EDNRB: variants seen among roughly 807,000 people sequenced by gnomAD.
EDNRB encodes the protein endothelin receptor type B.
In EDNRB, 18 loss-of-function variants were observed where a neutral mutation model predicts 46.4. That is an observed-to-expected ratio of 0.39 (90% CI 0.27 to 0.57). EDNRB has a LOEUF of 0.57. Ranked by LOEUF, EDNRB falls within the 20% of genes least tolerant of loss-of-function variation. EDNRB has a pLI of 0.61. For missense variants in EDNRB, 434 were observed against 537.5 expected (o/e 0.81, Z 1.90); for synonymous variants, 213 against 204.9 (o/e 1.04, Z -0.34).
chr13:77,963,421 G>C (rs1881485251), intron 1 of EDNRB, among the ~76,000 whole-genome samples: 1 of 151,996 alleles, frequency 6.6e-6, no homozygotes, highest in Admixed American at 6.6e-5. Flanking sequence ...CCAAAACAGA[G>C]ATATAGACCA....
intron 1 of EDNRB, among the ~76,000 whole-genome samples, chr13:77,948,267 T>C (rs1205572507): frequency 1.3e-5 from 2 of 152,202 alleles, no homozygotes; most frequent in Non-Finnish European, 2.9e-5. Context: ...ATTTTAAAGC[T>C]AGAGTTAATG....
intron 1 of EDNRB, among the ~76,000 whole-genome samples, chr13:77,947,029 T>C (rs998180877): frequency 4.6e-5 from 7 of 152,208 alleles, no homozygotes; most frequent in African/African-American, 7.2e-5. Flanking sequence ...CTTAGCCTAA[T>C]TAAATAAGCT....
intron 1 of EDNRB, among the ~76,000 whole-genome samples, chr13:77,915,168 G>A (rs1193189873): frequency 3.3e-5 from 5 of 151,826 alleles, no homozygotes; most frequent in Admixed American, 2.6e-4. Context: ...AAAAAACTAC[G>A]TTGCCACAAT....
chr13:77,955,845 G>A (rs370776053), intron 1 of EDNRB, among the ~76,000 whole-genome samples: 1 of 145,636 alleles, frequency 6.9e-6, no homozygotes, highest in African/African-American at 2.6e-5. Flanking sequence ...ATGTGTGTGT[G>A]TATCTATCTA....
chr13:77,908,057 A>G (rs887857443), intron 1 of EDNRB, among the ~76,000 whole-genome samples: 4 of 117,528 alleles, frequency 3.4e-5, no homozygotes, highest in African/African-American at 1.3e-4. Context: ...GAGAGAGAGC[A>G]TTAACCTTTA....
intron 1 of EDNRB, among the ~76,000 whole-genome samples, chr13:77,962,391 T>C (rs1379120514): frequency 6.6e-6 from 1 of 152,308 alleles, no homozygotes; most frequent in South Asian, 2.1e-4. Context: ...AATAAAATAC[T>C]GGCAAAGCGA....
intron 1 of EDNRB, among the ~76,000 whole-genome samples, chr13:77,946,612 G>A (rs1880926547): frequency 1.3e-5 from 2 of 152,080 alleles, no homozygotes; most frequent in South Asian, 4.1e-4. Context: ...TATGTTGGTG[G>A]CTCCATGTGA....
chr13:77,919,696 G>A (rs1213121399), upstream of EDNRB: 3 of 1,378,628 alleles, frequency 2.2e-6, no homozygotes, highest in Non-Finnish European at 2.0e-6. Flanking sequence ...GGCGATGCCT[G>A]GACAGCATCA....
intron 1 of EDNRB, among the ~76,000 whole-genome samples, chr13:77,968,415 T>C (rs1881639207): frequency 6.6e-6 from 1 of 152,170 alleles, no homozygotes; most frequent in Non-Finnish European, 1.5e-5. Context: ...GATTCTCTTT[T>C]CTAGGCCCTA....
In EDNRB at chr13:77,918,285, T is replaced by C. The variant is rs1280780830; in HGVS notation, c.289A>G (p.Lys97Glu). Residue 97 changes from lysine to glutamate, a missense_variant, in exon 1 of 7, where the codon AAG becomes GAG. By Grantham distance (56) the Lys-to-Glu change is moderately conservative. Transcript: ENST00000646607. This position sits in a 1 kb window ranked among gnomAD's most constrained non-coding sequence, Gnocchi z 4.5. ...GTGTTGATGTATTTGAAAGTCTCCT[T>C]GATCTCGATGGGTCCTTGGCACGGG... ...PPPCQGPIEI[K>E]ETFKYINTVV... is the part of the protein sequence containing the mutation. 1.2e-6 allele frequency: 2 copies of C among 1,614,080 alleles called. No homozygotes were observed. The highest frequency in any genetic ancestry group is 1.3e-5 in the African/African-American group (1 of 75,010).
At chr13:77,916,345 T>G (rs868437799) in intron 1 of EDNRB, among the ~76,000 whole-genome samples, 1 of 152,216 alleles carries the variant, frequency 6.6e-6, no homozygotes, top group Non-Finnish European at 1.5e-5. Flanking sequence ...ATGGGAAGAT[T>G]TAGTTTGTGG....
Position 77,897,341 on chromosome 13 carries a change from G to C in EDNRB, c.*859C>G. ...TTTTAATAATCCTGAAAAAATTGTA[G>C]ATAGTATTGTCTTCACAGGGTATGT... On this transcript the variant is annotated 3_prime_UTR_variant, in exon 7 of 7. Coordinates refer to ENST00000646607, the MANE Select transcript of EDNRB (RefSeq NM_001122659.3). The C allele has an allele frequency of 1.0e-6, 1 of 985,222 alleles. No homozygotes were observed. Among genetic ancestry groups the C allele is most frequent in the African/African-American group, 1.7e-5 (1 of 57,334 alleles). 61.0% of individuals were successfully genotyped at this position (985,222 alleles called of 1,614,324 possible).
intron 1 of EDNRB, among the ~76,000 whole-genome samples, chr13:77,968,662 C>T (rs866667636): frequency 2.6e-5 from 4 of 152,018 alleles, no homozygotes; most frequent in African/African-American, 7.2e-5. Context: ...GCATGTGCTA[C>T]GGATGAGGGG....
At chr13:77,944,209 C>T (rs1880836376) in intron 1 of EDNRB, among the ~76,000 whole-genome samples, 1 of 152,086 alleles carries the variant, frequency 6.6e-6, no homozygotes, top group Admixed American at 6.6e-5. Context: ...GCCAATGAGG[C>T]TCAGTGTAAG....
rs757371484 is a variant in EDNRB at position 77,901,139 on chromosome 13, T to A, written c.870A>T (p.Ala290=). The A allele has an allele frequency of 1.2e-6, 2 of 1,611,546 alleles. No homozygotes were observed. The highest frequency in any genetic ancestry group is 1.1e-5 in the South Asian group (1 of 91,030). The change falls in exon 4 of 7, where the codon GCA becomes GCT. Residue 290 remains alanine, a synonymous_variant. Transcript: ENST00000646607. ...FYFCLPLAIT[A]FFYTLMTCEM... is the part of the protein sequence containing the mutation. ...CACAGGTCATTAGTGTATAAAAAAA[T>A]GCAGTGATGGCCAATGGCAAGCAGA...
intron 1 of EDNRB, among the ~76,000 whole-genome samples, chr13:77,906,686 G>A (rs1019088277): frequency 2.6e-5 from 4 of 151,984 alleles, no homozygotes; most frequent in African/African-American, 9.7e-5. Flanking sequence ...TTAGACAAAC[G>A]TTTGGACAAC....
chr13:77,920,223 C>T (rs1426206865), upstream of EDNRB, among the ~76,000 whole-genome samples: 5 of 152,136 alleles, frequency 3.3e-5, no homozygotes, highest in African/African-American at 1.2e-4. Flanking sequence ...CAGAAAGCTG[C>T]CATGCAAATT....
upstream of EDNRB, chr13:77,919,622 CT>C: frequency 6.3e-7 from 1 of 1,596,122 alleles, no homozygotes; most frequent in Admixed American, 1.7e-5. Context: ...TCATTCATCC[CT>C]TCCCATCAAT....
intron 1 of EDNRB, among the ~76,000 whole-genome samples, chr13:77,971,965 G>A (rs73552444): frequency 0.25 from 37,728 of 151,972 alleles, 5,846 homozygotes; most frequent in East Asian, 0.54. Flanking sequence ...GGATGAACAA[G>A]GGCTGACTGA....
Sources: allele counts gnomAD v4.1 joint callset (sites outside exome capture counted in the v4.1 genomes callset), GRCh38; gene constraint gnomAD v4.1.1; non-coding constraint Gnocchi (gnomAD v3.1); transcripts MANE v1.5; gene names NCBI Gene and HGNC (gene_info 2026-07-23, HGNC 2026-07-21).